The following LMBRD2 variants were observed in gnomAD, a reference collection of about 807,000 sequenced individuals.
LMBRD2 encodes G protein-coupled receptor-associated protein LMBRD2.
In LMBRD2, 55 loss-of-function variants were observed where a neutral mutation model predicts 94.4. The ratio of observed to expected loss-of-function variants is 0.58; its 90% CI spans 0.47 to 0.73. The LOEUF (loss-of-function observed/expected upper bound fraction) is 0.73, where lower values mean the gene tolerates loss of function less well. LMBRD2 is among the 30% of genes least tolerant of loss of function. The pLI is 0.00. For synonymous variants in LMBRD2, 246 were observed against 272.4 expected (o/e 0.90, Z 0.95); for missense variants, 640 against 831.9 (o/e 0.77, Z 2.84).
intron 1 of LMBRD2, among the ~76,000 whole-genome samples, chr5:36,150,956 T>C (rs1001115049): frequency 1.3e-5 from 2 of 152,248 alleles, no homozygotes; most frequent in African/African-American, 4.8e-5. Context: ...GAAGCTGTTA[T>C]GCTTCCTTAT....
At chr5:36,120,206 G>A (rs1274688923) in intron 9 of LMBRD2, among the ~76,000 whole-genome samples, 2 of 151,746 alleles carry the variant, frequency 1.3e-5, no homozygotes, top group African/African-American at 2.4e-5. Context: ...CTACAGGTAG[G>A]CTGGAGTGCA....
chr5:36,142,924 A>G (rs2111911284), intron 2 of LMBRD2, among the ~76,000 whole-genome samples: 1 of 151,818 alleles, frequency 6.6e-6, no homozygotes, highest in South Asian at 2.1e-4. Flanking sequence ...ACGGTGTTTC[A>G]CCGTGTTAGC....
intron 1 of LMBRD2, among the ~76,000 whole-genome samples, chr5:36,145,086 T>A (rs745926181): frequency 4.6e-5 from 7 of 152,358 alleles, no homozygotes; most frequent in South Asian, 2.1e-4. Flanking sequence ...AGAGACTCTA[T>A]GAGAGCAGAG....
intron 13 of LMBRD2, among the ~76,000 whole-genome samples, chr5:36,113,123 G>C (rs1444867224): frequency 6.6e-6 from 1 of 152,170 alleles, no homozygotes; most frequent in East Asian, 1.9e-4. Context: ...TCCACAGGCA[G>C]ATAACCCAGC....
intron 6 of LMBRD2, among the ~76,000 whole-genome samples, chr5:36,128,375 A>T (rs1744056094): frequency 6.6e-6 from 1 of 152,236 alleles, no homozygotes; most frequent in Non-Finnish European, 1.5e-5. Flanking sequence ...ACCGACGAAC[A>T]TCCACAAGAA....
chr5:36,142,233 AAAG>A (rs1363548899), intron 3 of LMBRD2, among the ~76,000 whole-genome samples: 7 of 152,226 alleles, frequency 4.6e-5, no homozygotes, highest in African/African-American at 1.7e-4. Flanking sequence ...CATACTTGGT[AAAG>A]AAGAACCAGG....
At chr5:36,109,828 A>T (rs1743560929) in intron 15 of LMBRD2, 117 bp downstream of exon 15, 4 of 731,618 alleles carry the variant, frequency 5.5e-6, no homozygotes, top group Non-Finnish European at 4.5e-6. Context: ...AATATATCTT[A>T]TAACATTTTT....
chr5:36,136,770 C>G (rs1413989838), intron 5 of LMBRD2, among the ~76,000 whole-genome samples: 1 of 152,166 alleles, frequency 6.6e-6, no homozygotes, highest in Non-Finnish European at 1.5e-5. Context: ...CCTAGCAAAT[C>G]TCAGGAATAC....
Position 36,117,723 on chromosome 5 carries a change from A to C in LMBRD2, c.1302+12T>G. ...GTGACATCTATTTATGACAGACATA[A>C]AATAAACTGACCTCGATATAAATAT... is the stretch of plus-strand genomic sequence containing the variant. On this transcript the variant is annotated intron_variant, in intron 10 of 17. Coordinates refer to ENST00000296603, the MANE Select transcript of LMBRD2 (RefSeq NM_001007527.2). The C allele has an allele frequency of 6.4e-7, 1 of 1,569,400 alleles. No homozygotes were observed. The highest frequency in any genetic ancestry group is 1.4e-5 in the African/African-American group (1 of 73,422).
chr5:36,124,312 C>A, intron 6 of LMBRD2, 47 bp from the exon 7 acceptor site: 1 of 1,130,540 alleles, frequency 8.8e-7, no homozygotes, highest in South Asian at 1.4e-5. Flanking sequence ...TTCTACAGAT[C>A]ACATATTCCA....
chr5:36,120,385 C>G (rs545448632), intron 9 of LMBRD2, among the ~76,000 whole-genome samples: 1 of 152,068 alleles, frequency 6.6e-6, no homozygotes, highest in African/African-American at 2.4e-5. Context: ...CTCAGCCTCC[C>G]GAGTAGCTGG....
At chr5:36,139,682 T>C (rs1234064992) in intron 4 of LMBRD2, among the ~76,000 whole-genome samples, 1 of 152,092 alleles carries the variant, frequency 6.6e-6, no homozygotes, top group Admixed American at 6.6e-5. Context: ...CTACTTCAGG[T>C]CTCCTCTCTA....
rs1744465099 is a variant in LMBRD2, at chr5:36,143,409, A to G, written c.-57-3T>C. 1 of 1,313,586 alleles carries G rather than the reference A, an allele frequency of 7.6e-7. No homozygotes were observed. Among genetic ancestry groups the G allele is most frequent in the Admixed American group, 2.4e-5 (1 of 41,966 alleles). 81.4% of individuals were successfully genotyped at this position (1,313,586 alleles called of 1,614,324 possible). ...TCATGTACAGGTCTGGACCATATCT[A>G]TAAAGTAAAAAGAAGGTTAAAATGC... On this transcript the variant is annotated splice_polypyrimidine_tract_variant and splice_region_variant and intron_variant, in intron 1 of 17. Transcript: ENST00000296603.
intron 16 of LMBRD2, among the ~76,000 whole-genome samples, chr5:36,106,556 C>T (rs1277527332): frequency 7.3e-6 from 1 of 136,370 alleles, no homozygotes; most frequent in African/African-American, 2.7e-5. Flanking sequence ...GTTGCCCAGG[C>T]TGGAGTGCAG....
Position 36,103,908 on chromosome 5 carries a change from T to C in LMBRD2, c.*138A>G. The C allele has an allele frequency of 3.3e-6, 2 of 597,680 alleles. No homozygotes were observed. The highest frequency in any genetic ancestry group is 2.9e-5 in the East Asian group (1 of 34,028). The allele number at this position is 597,680 out of a possible 1,614,324, so 37.0% of individuals were successfully genotyped here. On this transcript the variant is annotated 3_prime_UTR_variant, in exon 18 of 18. Coordinates refer to ENST00000296603, the MANE Select transcript of LMBRD2 (RefSeq NM_001007527.2). ...ACATTAAACTATTATTCCTAAGATA[T>C]AATTAATTCTCAGTGCCTTTTTTGT...
In LMBRD2 at chr5:36,099,921, T is replaced by C. The variant is rs1399946200; in HGVS notation, c.*4125A>G. The C allele has an allele frequency of 3.3e-5, 5 of 152,106 alleles. No homozygotes were observed. The highest frequency in any genetic ancestry group is 1.2e-4 in the African/African-American group (5 of 41,434). 9.4% of individuals were successfully genotyped at this position (152,106 alleles called of 1,614,324 possible). The stretch of plus-strand genomic sequence containing the variant: ...ATCAGAGGCGAGGACATGTTCCTGC[T>C]GCAGTGGGAAGTAAGACAGAGCAGG... On this transcript the variant is annotated 3_prime_UTR_variant, in exon 18 of 18. Transcript: ENST00000296603.
Position 36,109,964 on chromosome 5 carries a change from T to C in LMBRD2, c.1772A>G (p.Glu591Gly). Reference sequence around the variant, plus strand: ...ACTTACTCTTCTTCGATTTTCACCTTCTTCTTGCCTTTGCCTTTTTCTCTT... The same window carrying C: ...ACTTACTCTTCTTCGATTTTCACCTCCTTCTTGCCTTTGCCTTTTTCTCTT... ...KEKRKRQRQE[E>G]GENRRREWKE... is the part of the protein sequence containing the mutation. The change falls in exon 15 of 18, where the codon GAA becomes GGA. Residue 591 changes from glutamate to glycine, a missense_variant. Coordinates refer to ENST00000296603, the MANE Select transcript of LMBRD2 (RefSeq NM_001007527.2). 6.2e-7 allele frequency: 1 copy of C among 1,607,744 alleles called. No homozygotes were observed.
chr5:36,117,441 G>T (rs999972588), intron 10 of LMBRD2, among the ~76,000 whole-genome samples: 1 of 151,906 alleles, frequency 6.6e-6, no homozygotes, highest in Non-Finnish European at 1.5e-5. Context: ...CCATGTTCAT[G>T]CCACCACACT....
chr5:36,132,489 C>T (rs1324937267), intron 6 of LMBRD2, among the ~76,000 whole-genome samples: 1 of 151,728 alleles, frequency 6.6e-6, no homozygotes, highest in Non-Finnish European at 1.5e-5. Context: ...AGCTTCTGCA[C>T]AGCAAAGGAA....
Sources: gnomAD v4.1 joint callset for allele counts (sites outside exome capture counted in the v4.1 genomes callset) on GRCh38, gnomAD v4.1.1 for gene constraint, MANE v1.5 for transcripts, NCBI Gene and HGNC (gene_info 2026-07-23, HGNC 2026-07-21) for gene names.